ROR1: variants seen among roughly 807,000 people sequenced by gnomAD.
ROR1 encodes inactive tyrosine-protein kinase transmembrane receptor ROR1.
ROR1 carries 19 observed loss-of-function variants against 78.8 expected under a neutral mutation model. That is an observed-to-expected ratio of 0.24 (90% confidence interval 0.17 to 0.35). The LOEUF is 0.35. ROR1 is among the 10% of genes least tolerant of loss of function. The pLI is 1.00. For synonymous variants in ROR1, 386 were observed against 433.6 expected (o/e 0.89, Z 1.36); for missense variants, 917 against 1,177.8 (o/e 0.78, Z 3.24).
intron 1 of ROR1, among the ~76,000 whole-genome samples, chr1:63,942,380 C>G (rs527823564): frequency 5.9e-5 from 9 of 152,240 alleles, no homozygotes; most frequent in African/African-American, 2.2e-4. Context: ...AATGTTAATA[C>G]TACTTTTAAC....
intron 1 of ROR1, among the ~76,000 whole-genome samples, chr1:63,776,572 TA>T (rs1644617714): frequency 1.3e-5 from 2 of 152,150 alleles, no homozygotes. Flanking sequence ...CTGGAATCTA[TA>T]GATAACATAA....
intron 4 of ROR1, among the ~76,000 whole-genome samples, chr1:64,118,486 G>A (rs1648398417): frequency 6.6e-6 from 1 of 151,860 alleles, no homozygotes; most frequent in Non-Finnish European, 1.5e-5. Context: ...AATTAGCTGG[G>A]CATGGTGGTG....
At chr1:63,970,952 T>G (rs1014030251) in intron 1 of ROR1, among the ~76,000 whole-genome samples, 26 of 152,194 alleles carry the variant, frequency 1.7e-4, no homozygotes, top group Admixed American at 1.3e-4. Context: ...CTTCTATGTT[T>G]CTCTGGTTGT....
chr1:64,006,672 G>A (rs1049757433), intron 1 of ROR1, among the ~76,000 whole-genome samples: 1 of 152,088 alleles, frequency 6.6e-6, no homozygotes, highest in Non-Finnish European at 1.5e-5. Flanking sequence ...TCTGACATCT[G>A]GTCCCCTTGA....
chr1:63,960,812 T>C (rs982000866), intron 1 of ROR1, among the ~76,000 whole-genome samples: 1 of 152,206 alleles, frequency 6.6e-6, no homozygotes, highest in South Asian at 2.1e-4. Flanking sequence ...TGAGGAGAAA[T>C]GTTTATTATT....
In ROR1 at chr1:63,791,091, C is replaced by A. The variant is rs539443454; in HGVS notation, c.91+16583C>A. Among the ~76,000 whole-genome samples, 9 of 152,290 alleles carry A rather than the reference C, an allele frequency of 5.9e-5. 1 individual carries two copies. The South Asian group carries it at 1.9e-3, about 32-fold the overall frequency. ...AGCCTGGGCTGTTTTATTTCTTGCA[C>A]CTGCTATGAGTCAGGAGTGGTCCTT... is the stretch of plus-strand genomic sequence containing the variant. On this transcript the variant is annotated intron_variant, in intron 1 of 8. Transcript: ENST00000371079.
intron 4 of ROR1, among the ~76,000 whole-genome samples, chr1:64,122,793 C>T (rs150537609): frequency 3.6e-4 from 55 of 152,264 alleles, no homozygotes; most frequent in Middle Eastern, 3.4e-3. Context: ...ATTCCTCTTG[C>T]GACATCATTT....
chr1:64,076,940 G>A (rs1260767), intron 4 of ROR1, among the ~76,000 whole-genome samples: 6 of 152,068 alleles, frequency 3.9e-5, no homozygotes, highest in South Asian at 2.1e-4. Context: ...GCTGTGTGAC[G>A]TTGGAAAACT....
At chr1:64,110,665 G>C (rs1333697155) in intron 4 of ROR1, 3 of 152,066 alleles carry the variant, frequency 2.0e-5, no homozygotes, top group Non-Finnish European at 4.4e-5. Flanking sequence ...TATTCCTTGT[G>C]AGAGTTAAGC....
At position 64,137,439 on chromosome 1, in the gene ROR1, C is replaced by T. The variant is rs773146068; in HGVS notation, c.553C>T (p.Arg185Cys). 1.1e-5 allele frequency: 18 copies of T among 1,613,898 alleles called. No homozygotes were observed. Among genetic ancestry groups the T allele is most frequent in the South Asian group, 4.4e-5 (4 of 91,066 alleles). ...GIACARFIGN[R>C]TVYMESLHMQ... Reference sequence around the variant, plus strand: ...TGCATGTGCAAGATTTATTGGCAACCGCACCGTCTATATGGAGTCTTTGCA... The same window carrying T: ...TGCATGTGCAAGATTTATTGGCAACTGCACCGTCTATATGGAGTCTTTGCA... The change falls in exon 5 of 9, where the codon CGC becomes TGC. Residue 185 changes from arginine to cysteine, a missense_variant. By Grantham distance (180) the Arg-to-Cys change is radical. Around this residue, in one of 3 missense-constraint regions of ROR1, gnomAD observed 835 missense variants for 1,069.8 expected, o/e 0.78. Transcript: ENST00000371079.
At chr1:64,132,787 G>A (rs1161362654) in intron 4 of ROR1, among the ~76,000 whole-genome samples, 3,596 of 137,624 alleles carry the variant, frequency 0.026, 238 homozygotes, top group African/African-American at 0.096. Flanking sequence ...AAAAAAAAGA[G>A]AGAGAGATAG....
At chr1:64,012,911 A>G (rs1646488832) in intron 2 of ROR1, among the ~76,000 whole-genome samples, 1 of 152,222 alleles carries the variant, frequency 6.6e-6, no homozygotes, top group African/African-American at 2.4e-5. Flanking sequence ...ACTCAGGTCA[A>G]GAATAGTAGT....
rs183206042 is a variant in ROR1, at chr1:63,792,630, G to A, written c.91+18122G>A. On this transcript the variant is annotated intron_variant, in intron 1 of 8. Transcript: ENST00000371079. ...TAATAAAATCTCAGAGGATTATTAT[G>A]TATATTAAGTGAGAGATCCAAGTGA... Among the ~76,000 whole-genome samples, 349 of 152,338 alleles carry A rather than the reference G, an allele frequency of 2.3e-3. 1 individual carries two copies. Among genetic ancestry groups the A allele is most frequent in the Non-Finnish European group, 3.7e-3 (250 of 68,040 alleles).
intron 1 of ROR1, among the ~76,000 whole-genome samples, chr1:64,006,545 G>T (rs1346821143): frequency 6.6e-6 from 1 of 152,168 alleles, no homozygotes; most frequent in Non-Finnish European, 1.5e-5. Context: ...CAAACAAGAG[G>T]TTGATAACAG....
intron 4 of ROR1, among the ~76,000 whole-genome samples, chr1:64,054,314 G>A: frequency 6.6e-6 from 1 of 151,204 alleles, no homozygotes; most frequent in African/African-American, 2.4e-5. Context: ...TTCTGGCTCT[G>A]TCATCCAGGC....
chr1:64,093,102 A>G (rs1048991177), intron 4 of ROR1, among the ~76,000 whole-genome samples: 15 of 152,170 alleles, frequency 9.9e-5, no homozygotes, highest in African/African-American at 3.6e-4. Context: ...TTGTTCATCC[A>G]CTTTGAAAGA....
chr1:64,107,938 A>T lies in ROR1; in HGVS notation c.483-29431A>T, dbSNP rs76380153. Among the ~76,000 whole-genome samples the T allele has an allele frequency of 1.4e-3, 218 of 152,288 alleles. 8 individuals carry two copies. In the East Asian group the frequency reaches 0.039, roughly 27 times the overall value. ...ATCGGTGGTCAGAGTTTGGCTCTGC[A>T]TTAAATCATAATCATTTTACTGGTG... On this transcript the variant is annotated intron_variant, in intron 4 of 8. Transcript: ENST00000371079.
intron 4 of ROR1, among the ~76,000 whole-genome samples, chr1:64,092,023 T>A (rs1198224626): frequency 6.6e-6 from 1 of 152,122 alleles, no homozygotes; most frequent in South Asian, 2.1e-4. Flanking sequence ...AATTACTTAT[T>A]ACAATTTTGG....
intron 1 of ROR1, among the ~76,000 whole-genome samples, chr1:63,986,527 T>C (rs907027326): frequency 1.3e-5 from 2 of 152,208 alleles, no homozygotes; most frequent in African/African-American, 4.8e-5. Flanking sequence ...AAGCATGCTC[T>C]GCTGAGGACT....
Sources: allele counts gnomAD v4.1 joint callset (sites outside exome capture counted in the v4.1 genomes callset), GRCh38; gene constraint gnomAD v4.1.1; regional missense constraint gnomAD v4.1.1; transcripts MANE v1.5; gene names NCBI Gene and HGNC (gene_info 2026-07-23, HGNC 2026-07-21).